SLC48A1: variants seen among roughly 807,000 people sequenced by gnomAD.
The protein encoded by SLC48A1 is heme transporter HRG1.
A neutral mutation model predicts 14.8 loss-of-function variants in SLC48A1; 6 were observed. The ratio of observed to expected loss-of-function variants is 0.41; its 90% CI spans 0.22 to 0.80. The LOEUF (loss-of-function observed/expected upper bound fraction) is 0.80. Among genes scored for constraint, SLC48A1 ranks in the 30% least tolerant of loss-of-function variants. SLC48A1 has a pLI of 0.34. For missense variants in SLC48A1, 165 were observed against 204.8 expected (o/e 0.81, Z 1.19); for synonymous variants, 89 against 90.0 (o/e 0.99, Z 0.06).
rs1942770892 is a variant in SLC48A1, at chr12:47,777,083, A to G, written c.137-1945A>G. Among the ~76,000 whole-genome samples the G allele has an allele frequency of 6.6e-6, 1 of 152,046 alleles. No homozygotes were observed. The highest frequency in any genetic ancestry group is 6.6e-5 in the Admixed American group (1 of 15,266). On this transcript the variant is annotated intron_variant, in intron 1 of 2. Coordinates refer to ENST00000442218, the MANE Select transcript of SLC48A1 (RefSeq NM_017842.3). This position sits in a 1 kb window ranked among gnomAD's most constrained non-coding sequence, Gnocchi z 4.5. ...GTTCCCAGGGCCCTTTATAAACCAAACAGCTCCCTCAAATGAAAACATGGG... is the reference window on the plus strand; with the variant it reads ...GTTCCCAGGGCCCTTTATAAACCAAGCAGCTCCCTCAAATGAAAACATGGG...
upstream of SLC48A1, chr12:47,757,959 G>C: frequency 6.4e-7 from 1 of 1,561,232 alleles, no homozygotes; most frequent in Non-Finnish European, 8.7e-7. Context: ...TCAACACCAT[G>C]TTGAGTAGTG....
chr12:47,759,407 T>C (rs1253605890), intron 1 of SLC48A1, among the ~76,000 whole-genome samples: 1 of 135,204 alleles, frequency 7.4e-6, no homozygotes, highest in Non-Finnish European at 1.6e-5. Context: ...CACGCCCCAC[T>C]GCCCCCTGCC....
At chr12:47,770,436 G>C (rs58067800), upstream of SLC48A1, among the ~76,000 whole-genome samples, 1 of 152,140 alleles carries the variant, frequency 6.6e-6, no homozygotes, top group Non-Finnish European at 1.5e-5. Flanking sequence ...GCCTGGACCA[G>C]CTCTGAAGCC....
upstream of SLC48A1, among the ~76,000 whole-genome samples, chr12:47,771,891 C>G (rs1942636163): frequency 6.6e-6 from 1 of 151,698 alleles, no homozygotes; most frequent in African/African-American, 2.4e-5. Flanking sequence ...TGAGATCACG[C>G]CACTGCACTC....
At chr12:47,760,692 G>C (rs1942354016) in intron 2 of SLC48A1, among the ~76,000 whole-genome samples, 1 of 152,098 alleles carries the variant, frequency 6.6e-6, no homozygotes, top group Non-Finnish European at 1.5e-5. Flanking sequence ...TGTGAGGTAT[G>C]TACTTCTGTT....
upstream of SLC48A1, chr12:47,758,345 C>T: frequency 6.9e-7 from 1 of 1,448,682 alleles, no homozygotes; most frequent in Non-Finnish European, 9.1e-7. Context: ...ATCTCACTGC[C>T]CATGCCCCTG....
Position 47,773,271 on chromosome 12 carries a change from C to G in SLC48A1, c.-34C>G, listed in dbSNP as rs1286010679. 1 of 1,339,650 alleles carries G rather than the reference C, an allele frequency of 7.5e-7. No homozygotes were observed. The highest frequency in any genetic ancestry group is 1.5e-5 in the African/African-American group (1 of 64,878). 83.0% of individuals were successfully genotyped at this position (1,339,650 alleles called of 1,614,324 possible). ...GCCCTGCACCTGTGACTCTCGGCCGCGCTCGCCCTCGGCCCGCCCGGCGCC... is the reference window on the plus strand; with the variant it reads ...GCCCTGCACCTGTGACTCTCGGCCGGGCTCGCCCTCGGCCCGCCCGGCGCC... On this transcript the variant is annotated 5_prime_UTR_variant, in exon 1 of 3. Coordinates refer to ENST00000442218, the MANE Select transcript of SLC48A1 (RefSeq NM_017842.3).
At chr12:47,765,606 C>A (rs980086343) in intron 2 of SLC48A1, among the ~76,000 whole-genome samples, 1 of 152,180 alleles carries the variant, frequency 6.6e-6, no homozygotes, top group Admixed American at 6.5e-5. Context: ...CAGCTTCTGG[C>A]CTGTCACTGC....
Position 47,759,084 on chromosome 12 carries a change from G to C in SLC48A1, c.-373+424G>C, listed in dbSNP as rs896847636. On this transcript the variant is annotated intron_variant, in intron 1 of 4. Transcript: ENST00000547002. Reference sequence around the variant, plus strand: ...TCCGCCTGAGCCCAGAGTATCCCCAGGGGGCAGGAGCGGCCCCGAAGTGTG... The same window carrying C: ...TCCGCCTGAGCCCAGAGTATCCCCACGGGGCAGGAGCGGCCCCGAAGTGTG... The C allele has an allele frequency of 5.1e-6, 5 of 986,234 alleles. No homozygotes were observed. The African/African-American group carries it at 8.7e-5, about 17-fold the overall frequency. 61.1% of individuals were successfully genotyped at this position (986,234 alleles called of 1,614,324 possible). A position where few individuals can be genotyped will look rare whatever the true frequency, so the allele number is the denominator to read the frequency against.
At position 47,780,310 on chromosome 12, in the gene SLC48A1, G is replaced by T; in HGVS notation, c.*29G>T. The T allele has an allele frequency of 6.2e-7, 1 of 1,614,080 alleles. No homozygotes were observed. The highest frequency in any genetic ancestry group is 8.5e-7 in the Non-Finnish European group (1 of 1,179,942). On this transcript the variant is annotated 3_prime_UTR_variant, in exon 3 of 3. Transcript: ENST00000442218. ...AGGGGGTGAGGTCTCTGCACCCTGG[G>T]GGGGCCTTAGGACCTGGACTCAGCC...
Position 47,777,103 on chromosome 12 carries a change from C to T in SLC48A1, c.137-1925C>T, listed in dbSNP as rs1470858577. ...ACCAAACAGCTCCCTCAAATGAAAA[C>T]ATGGGACACATGTGAGGAGTGGGAG... is the stretch of plus-strand genomic sequence containing the variant. On this transcript the variant is annotated intron_variant, in intron 1 of 2. Transcript: ENST00000442218. This position sits in a 1 kb window ranked among gnomAD's most constrained non-coding sequence, Gnocchi z 4.5. Among the ~76,000 whole-genome samples the T allele has an allele frequency of 1.3e-5, 2 of 152,184 alleles. No homozygotes were observed. The highest frequency in any genetic ancestry group is 2.4e-5 in the African/African-American group (1 of 41,430).
upstream of SLC48A1, chr12:47,757,975 T>C (rs1432530882): frequency 6.4e-7 from 1 of 1,565,964 alleles, no homozygotes; most frequent in East Asian, 2.4e-5. Context: ...TAGTGTCCCC[T>C]CCGGCACCAC....
At chr12:47,758,045 C>T, upstream of SLC48A1, 1 of 1,561,028 alleles carries the variant, frequency 6.4e-7, no homozygotes, top group Non-Finnish European at 8.7e-7. Flanking sequence ...ACAGCCAGGC[C>T]CACCTGCCAG....
exon 2 of SLC48A1, chr12:47,760,256 T>A: frequency 1.0e-6 from 1 of 984,880 alleles, no homozygotes; most frequent in Non-Finnish European, 1.2e-6. Flanking sequence ...GCTGGTGGAG[T>A]TTTAAATGCC....
chr12:47,754,721 C>T (rs1443900039), upstream of SLC48A1, among the ~76,000 whole-genome samples: 1 of 151,982 alleles, frequency 6.6e-6, no homozygotes, highest in Non-Finnish European at 1.5e-5. Flanking sequence ...CATGATGGGC[C>T]CTATTACCAG....
upstream of SLC48A1, chr12:47,755,665 C>G (rs1942011369): frequency 6.6e-6 from 1 of 152,252 alleles, no homozygotes; most frequent in Non-Finnish European, 1.5e-5. Context: ...AGCCCTCCTA[C>G]TGTAACCCGC....
At chr12:47,758,033 C>T, upstream of SLC48A1, 1 of 1,577,058 alleles carries the variant, frequency 6.3e-7, no homozygotes, top group Non-Finnish European at 8.6e-7. Flanking sequence ...GGGCTATCCT[C>T]CACAGCCAGG....
chr12:47,765,789 G>T (rs1305865395), intron 2 of SLC48A1, among the ~76,000 whole-genome samples: 1 of 152,252 alleles, frequency 6.6e-6, no homozygotes, highest in Non-Finnish European at 1.5e-5. Context: ...GGTGAGAGCT[G>T]CTCTGCTGTA....
Position 47,781,542 on chromosome 12 carries a change from G to C in SLC48A1, c.*1261G>C, listed in dbSNP as rs1442733509. ...GGGAGGGAAGGGGCTGTTGGTACAA[G>C]GATGATTTTCTGTTAGACTGCCATT... On this transcript the variant is annotated 3_prime_UTR_variant, in exon 3 of 3. Transcript: ENST00000442218. 6.5e-6 allele frequency: 1 copy of C among 153,130 alleles called. No individual in the cohort carries two copies. Among genetic ancestry groups the C allele is most frequent in the Non-Finnish European group, 1.5e-5 (1 of 68,406 alleles). The allele number at this position is 153,130 out of a possible 1,614,324, so 9.5% of individuals were successfully genotyped here. A position where few individuals can be genotyped will look rare whatever the true frequency, so the allele number is the denominator to read the frequency against.
Sources: allele counts gnomAD v4.1 joint callset (sites outside exome capture counted in the v4.1 genomes callset), GRCh38; gene constraint gnomAD v4.1.1; non-coding constraint Gnocchi (gnomAD v3.1); transcripts MANE v1.5; gene names NCBI Gene and HGNC (gene_info 2026-07-23, HGNC 2026-07-21).